The following SPTBN2 variants were observed in gnomAD, a reference collection of about 807,000 sequenced individuals.
SPTBN2 encodes the protein spectrin beta, non-erythrocytic 2, also known as spectrin beta chain, non-erythrocytic 2.
In SPTBN2, 107 loss-of-function variants were observed where a neutral mutation model predicts 284.2. That is an observed-to-expected ratio of 0.38 (90% CI 0.32 to 0.44). The LOEUF (loss-of-function observed/expected upper bound fraction) is 0.44. SPTBN2 is among the 20% of genes least tolerant of loss of function. The pLI is 1.00. For missense variants in SPTBN2, 2,569 were observed against 3,287.1 expected (o/e 0.78, Z 5.34); for synonymous variants, 1,289 against 1,354.8 (o/e 0.95, Z 1.07).
At position 66,700,209 on chromosome 11, in the gene SPTBN2, C is replaced by A. The variant is rs1941163064; in HGVS notation, c.3573+317G>T. ...AGCTCAAGTTATTCTCCTGCCTCGGCCTCCCAAAATACTGGGAGTACAAGT... is the reference window on the plus strand; with the variant it reads ...AGCTCAAGTTATTCTCCTGCCTCGGACTCCCAAAATACTGGGAGTACAAGT... On this transcript the variant is annotated intron_variant, in intron 17 of 37. Transcript: ENST00000533211. This position sits in a 1 kb window ranked among gnomAD's most constrained non-coding sequence, Gnocchi z 6.6. 6.6e-6 allele frequency among the ~76,000 whole-genome samples: 1 copy of A among 152,064 alleles called. No homozygotes were observed. The highest frequency in any genetic ancestry group is 2.1e-4 in the South Asian group (1 of 4,824).
At position 66,687,326 on chromosome 11, in the gene SPTBN2, C is replaced by T; in HGVS notation, c.6722+101G>A. The stretch of plus-strand genomic sequence containing the variant: ...GGCCCCGCTCTGGTCCCAAGTCCTA[C>T]CCTTTGCCCAGAAGATGTACTCTAA... On this transcript the variant is annotated intron_variant, in intron 35 of 37. Transcript: ENST00000533211. This position sits in a 1 kb window ranked among gnomAD's most constrained non-coding sequence, Gnocchi z 5.2. The T allele has an allele frequency of 1.3e-6, 2 of 1,558,200 alleles. No individual in the cohort carries two copies. The highest frequency in any genetic ancestry group is 1.7e-6 in the Non-Finnish European group (2 of 1,144,110).
chr11:66,697,219 C>T (rs925615738), intron 20 of SPTBN2, among the ~76,000 whole-genome samples: 13 of 152,138 alleles, frequency 8.5e-5, no homozygotes, highest in Admixed American at 6.5e-5. Flanking sequence ...ACTTCTGTCC[C>T]TTCTCATGGC....
intron 1 of SPTBN2, among the ~76,000 whole-genome samples, chr11:66,723,336 T>A (rs530707833): frequency 2.0e-5 from 3 of 151,998 alleles, no homozygotes; most frequent in African/African-American, 7.2e-5. Context: ...TAGCCCTACT[T>A]CCTAGGACCA....
At chr11:66,735,558 A>G (rs573915207) in intron 1 of SPTBN2, among the ~76,000 whole-genome samples, 1 of 152,148 alleles carries the variant, frequency 6.6e-6, no homozygotes, top group African/African-American at 2.4e-5. Flanking sequence ...CAAAAACTTT[A>G]AAAATTATCT....
chr11:66,693,814 G>C lies in SPTBN2; in HGVS notation c.4551C>G (p.Gly1517=). The part of the protein sequence containing the change: ...RLPMASSMEH[G]KDLPSVQLLM... ...GAAGCTGGACGCTGGGCAGGTCCTT[G>C]CCATGCTCCATGGAGCTGGCCATGG... The change falls in exon 23 of 38, where the codon GGC becomes GGG. Residue 1517 remains glycine, a synonymous_variant. Coordinates refer to ENST00000533211, the MANE Select transcript of SPTBN2 (RefSeq NM_006946.4). This position sits in a 1 kb window ranked among gnomAD's most constrained non-coding sequence, Gnocchi z 5.7. 6.2e-7 allele frequency: 1 copy of C among 1,613,964 alleles called. No homozygotes were observed. Among genetic ancestry groups the C allele is most frequent in the Non-Finnish European group, 8.5e-7 (1 of 1,179,966 alleles).
At chr11:66,686,256 CCTGGTGCGGCCGT>C in intron 37 of SPTBN2, 129 bp downstream of exon 37, 1 of 1,388,338 alleles carries the variant, frequency 7.2e-7, no homozygotes, top group Non-Finnish European at 1.0e-6. Flanking sequence ...GGGAGTGCGG[CCTGGTGCGGCCGT>C]CGCACACATC....
chr11:66,693,220 T>C lies in SPTBN2; in HGVS notation c.4820A>G (p.Gln1607Arg). 6.2e-7 allele frequency: 1 copy of C among 1,614,232 alleles called. No individual in the cohort carries two copies. The change falls in exon 24 of 38, where the codon CAG becomes CGG. Residue 1607 changes from glutamine to arginine, a missense_variant. Coordinates refer to ENST00000533211, the MANE Select transcript of SPTBN2 (RefSeq NM_006946.4). The surrounding 1 kb of genome is among the most constrained non-coding windows in gnomAD (Gnocchi z 5.7). ...AAEAEAWMGE[Q>R]ELHMMGQEKA... ...CTCCTGGCCCATCATGTGTAATTCC[T>C]GCTCGCCCATCCAGGCCTCCGCCTC...
At chr11:66,696,576 A>G in intron 20 of SPTBN2, 36 bp from the exon 21 acceptor site, 1 of 1,607,300 alleles carries the variant, frequency 6.2e-7, no homozygotes, top group Non-Finnish European at 8.5e-7. Flanking sequence ...AAGTGCCCAA[A>G]TTAGCCTGAA....
rs1939924752 is a variant in SPTBN2, at chr11:66,683,610, A to G, written c.*2261T>C. Among the ~76,000 whole-genome samples, 1 of 152,228 alleles carries G rather than the reference A, an allele frequency of 6.6e-6. No homozygotes were observed. The highest frequency in any genetic ancestry group is 1.5e-5 in the Non-Finnish European group (1 of 68,038). ...ATGCCCTGAAGTCCTGCTGCCGCAT[A>G]TGCAGATGCTGCTCGGGGTCTTCAG... On this transcript the variant is annotated 3_prime_UTR_variant, in exon 38 of 38. Coordinates refer to ENST00000533211, the MANE Select transcript of SPTBN2 (RefSeq NM_006946.4).
intron 3 of SPTBN2, among the ~76,000 whole-genome samples, chr11:66,720,471 C>T (rs949557188): frequency 6.6e-6 from 1 of 152,182 alleles, no homozygotes; most frequent in Admixed American, 6.5e-5. Context: ...AGTTTCCGCT[C>T]AGAGCGGAGA....
At position 66,688,279 on chromosome 11, in the gene SPTBN2, C is replaced by G. The variant is rs758346802; in HGVS notation, c.6264G>C (p.Lys2088Asn). 6 of 1,610,008 alleles carry G rather than the reference C, an allele frequency of 3.7e-6. No individual in the cohort carries two copies. The highest frequency in any genetic ancestry group is 4.2e-6 in the Non-Finnish European group (5 of 1,178,242). ...GTTTCCGCCGCTCCTCCTCCTCCCTCTTTCTCTTTCGCTCCTTCTCCCGCT... is the reference window on the plus strand; with the variant it reads ...GTTTCCGCCGCTCCTCCTCCTCCCTGTTTCTCTTTCGCTCCTTCTCCCGCT... ...LEEREKERKR[K>N]REEEERRKQP... The change falls in exon 32 of 38, where the codon AAG (lysine) becomes AAC (asparagine). Residue 2088 changes from lysine to asparagine, a missense_variant. Physicochemically the swap from Lys to Asn is moderately conservative, Grantham distance 94. Around this residue, in one of 6 missense-constraint regions of SPTBN2, gnomAD observed 1,130 missense variants for 1,317.3 expected, o/e 0.86. Transcript: ENST00000533211.
rs1348149058 is a variant in SPTBN2 at position 66,701,841 on chromosome 11, G to C, written c.2679-120C>G. ...TCCTTCACCAGGAGGCTTATCTGCA[G>C]GAGTCTCTCTGCCTCTCAGCCTATG... On this transcript the variant is annotated intron_variant, in intron 15 of 37. Transcript: ENST00000533211. 4 of 1,420,216 alleles carry C rather than the reference G, an allele frequency of 2.8e-6. No individual in the cohort carries two copies. In the African/African-American group the frequency reaches 5.6e-5, roughly 20 times the overall value. The allele number at this position is 1,420,216 out of a possible 1,614,324, so 88.0% of individuals were successfully genotyped here.
upstream of SPTBN2, among the ~76,000 whole-genome samples, chr11:66,731,316 G>A (rs766555634): frequency 2.3e-4 from 35 of 152,186 alleles, no homozygotes; most frequent in Non-Finnish European, 3.1e-4. Flanking sequence ...TAGTGAACCA[G>A]TACAGTCAAT....
At chr11:66,727,816 C>G (rs1942675231) in intron 1 of SPTBN2, among the ~76,000 whole-genome samples, 1 of 151,088 alleles carries the variant, frequency 6.6e-6, no homozygotes, top group Non-Finnish European at 1.5e-5. Context: ...GGCGCCGGCC[C>G]GTCCGCCCCG....
At position 66,693,554 on chromosome 11, in the gene SPTBN2, T is replaced by C. The variant is rs1245283438; in HGVS notation, c.4594-108A>G. The C allele has an allele frequency of 1.5e-5, 22 of 1,512,346 alleles. No individual in the cohort carries two copies. The East Asian group carries it at 3.7e-4, about 25-fold the overall frequency. The allele number at this position is 1,512,346 out of a possible 1,614,324, so 93.7% of individuals were successfully genotyped here. A position where few individuals can be genotyped will look rare whatever the true frequency, so the allele number is the denominator to read the frequency against. On this transcript the variant is annotated intron_variant, in intron 23 of 37. Transcript: ENST00000533211. This position sits in a 1 kb window ranked among gnomAD's most constrained non-coding sequence, Gnocchi z 5.7. ...CCTCTCTCCTTCCTGGGTCCTCTGC[T>C]CCCTCTCCTAGCCTGGGGGTGCGAT...
At position 66,705,270 on chromosome 11, in the gene SPTBN2, G is replaced by C. The variant is rs775522542; in HGVS notation, c.2006C>G (p.Thr669Arg). Residue 669 changes from threonine to arginine, a missense_variant, in exon 15 of 38, where the codon ACG becomes AGG. Physicochemically the swap from Thr to Arg is moderately conservative, Grantham distance 71. Coordinates refer to ENST00000533211, the MANE Select transcript of SPTBN2 (RefSeq NM_006946.4). ...GAGGGCACCGGTCAGGTCTCGGCCC[G>C]TGTCGGCTGAGGCCAGGAGGTGCTG... ...EQQHLLASAD[T>R]GRDLTGALRL... 1.9e-6 allele frequency: 3 copies of C among 1,592,532 alleles called. No individual in the cohort carries two copies. Among genetic ancestry groups the C allele is most frequent in the African/African-American group, 1.3e-5 (1 of 74,550 alleles).
rs1940739816 is a variant in SPTBN2, at chr11:66,693,940, C to T, written c.4504-79G>A. On this transcript the variant is annotated intron_variant, in intron 22 of 37. Transcript: ENST00000533211. This position sits in a 1 kb window ranked among gnomAD's most constrained non-coding sequence, Gnocchi z 5.7. ...GGACTGATTAGTGGGAGTGGGGACA[C>T]CTGGGGCTACCGCCCTGTGTGTGGG... is the stretch of plus-strand genomic sequence containing the variant. 7.1e-7 allele frequency: 1 copy of T among 1,415,148 alleles called. No individual in the cohort carries two copies. Among genetic ancestry groups the T allele is most frequent in the East Asian group, 2.4e-5 (1 of 42,272 alleles). 87.7% of individuals were successfully genotyped at this position (1,415,148 alleles called of 1,614,324 possible).
chr11:66,720,460 G>A (rs984893899), intron 3 of SPTBN2, among the ~76,000 whole-genome samples: 1 of 152,196 alleles, frequency 6.6e-6, no homozygotes, highest in Non-Finnish European at 1.5e-5. Context: ...GCCGTTGGAC[G>A]AGTTTCCGCT....
Position 66,721,224 on chromosome 11 carries a change from G to A in SPTBN2, c.17C>T (p.Ser6Leu), listed in dbSNP as rs1942386577. The change falls in exon 3 of 38, where the codon TCA (serine) becomes TTA (leucine). Residue 6 changes from serine (S) to leucine (L), a missense_variant. Physicochemically the swap from Ser to Leu is moderately radical, Grantham distance 145 (BLOSUM62 -2). Around this residue, in one of 6 missense-constraint regions of SPTBN2, gnomAD observed 304 missense variants for 522.1 expected, o/e 0.58. Coordinates refer to ENST00000533211, the MANE Select transcript of SPTBN2 (RefSeq NM_006946.4). MSSTL[S>L]PTDFDSLEIQ... ...TTCCAAGCTGTCAAAGTCTGTGGGT[G>A]ACAGCGTGCTGCTCATGGTGGTAGG... 10 of 1,614,204 alleles carry A rather than the reference G, an allele frequency of 6.2e-6. No individual in the cohort carries two copies. Among genetic ancestry groups the A allele is most frequent in the Non-Finnish European group, 8.5e-6 (10 of 1,180,038 alleles).
Sources: allele counts gnomAD v4.1 joint callset (sites outside exome capture counted in the v4.1 genomes callset), GRCh38; gene constraint gnomAD v4.1.1; regional missense constraint gnomAD v4.1.1; non-coding constraint Gnocchi (gnomAD v3.1); transcripts MANE v1.5; gene names NCBI Gene and HGNC (gene_info 2026-07-23, HGNC 2026-07-21).